The following WDR18 variants were observed in gnomAD, a reference collection of about 807,000 sequenced individuals.
WDR18 encodes WD repeat-containing protein 18.
WDR18 carries 33 observed loss-of-function variants against 49.6 expected under a neutral mutation model. That is an observed-to-expected ratio of 0.67 (90% CI 0.50 to 0.89). WDR18 has a LOEUF of 0.89. Among genes scored for constraint, WDR18 ranks in the 40% least tolerant of loss-of-function variants. The pLI is 0.00. For missense variants in WDR18, 653 were observed against 593.6 expected, an observed-to-expected ratio of 1.10 and a Z score of -1.04; for synonymous variants, 315 against 263.6, an observed-to-expected ratio of 1.19 and a Z score of -1.89.
At chr19:986,991 T>C (rs1215220828) in intron 2 of WDR18, among the ~76,000 whole-genome samples, 2 of 152,088 alleles carry the variant, frequency 1.3e-5, no homozygotes, top group Non-Finnish European at 2.9e-5. Flanking sequence ...CTTCCCTCAG[T>C]GGGCTGCTCA....
chr19:985,467 G>A (rs2038465006), intron 1 of WDR18, among the ~76,000 whole-genome samples: 1 of 152,158 alleles, frequency 6.6e-6, no homozygotes, highest in Admixed American at 6.5e-5. Context: ...ACCACGCCCG[G>A]CTGAGTTTTC....
intron 8 of WDR18, among the ~76,000 whole-genome samples, chr19:993,225 C>T (rs1344174272): frequency 1.3e-5 from 2 of 152,220 alleles, no homozygotes; most frequent in African/African-American, 4.8e-5. Context: ...AGGCCTCCAG[C>T]GGCAGAGCCA....
chr19:993,796 A>G (rs1010175973), intron 8 of WDR18, among the ~76,000 whole-genome samples: 1 of 152,154 alleles, frequency 6.6e-6, no homozygotes, highest in Non-Finnish European at 1.5e-5. Context: ...GCAGTCGTGG[A>G]GGATCTGAGG....
At chr19:988,172 G>T (rs138351421) in intron 2 of WDR18, among the ~76,000 whole-genome samples, 7 of 152,188 alleles carry the variant, frequency 4.6e-5, no homozygotes, top group African/African-American at 1.7e-4. Flanking sequence ...CCATGAAGGG[G>T]TGTCCCACAT....
chr19:988,594 G>A (rs2038500815), intron 2 of WDR18, among the ~76,000 whole-genome samples: 4 of 152,202 alleles, frequency 2.6e-5, no homozygotes, highest in Admixed American at 2.6e-4. Context: ...AACAAAGCAC[G>A]ACGCACAGGG....
At chr19:990,050 CTG>C (rs1014313881) in intron 3 of WDR18, 155 bp downstream of exon 3, 1 of 1,399,530 alleles carries the variant, frequency 7.1e-7, no homozygotes, top group African/African-American at 1.5e-5. Context: ...GCTGCCCACA[CTG>C]GGGTCTGGTT....
chr19:991,912 G>T (rs1599448461), intron 7 of WDR18, 43 bp from the exon 8 acceptor site: 1 of 1,464,798 alleles, frequency 6.8e-7, no homozygotes, highest in East Asian at 2.8e-5. Flanking sequence ...GTGGGGTGGG[G>T]CCTGGCTGGG....
chr19:986,135 G>A (rs921048961), intron 2 of WDR18, among the ~76,000 whole-genome samples, 160 bp downstream of exon 2: 2 of 152,176 alleles, frequency 1.3e-5, no homozygotes, highest in Non-Finnish European at 2.9e-5. Flanking sequence ...CCTTTCTCCA[G>A]GTCCCCTCGA....
At chr19:990,685 C>T in intron 4 of WDR18, 167 bp from the exon 5 acceptor site, 2 of 1,068,376 alleles carry the variant, frequency 1.9e-6, no homozygotes, top group Non-Finnish European at 2.6e-6. Context: ...TCAGCACAGG[C>T]CATGTCCCCT....
rs373813152 is a variant in WDR18 at position 989,908 on chromosome 19, G to A, written c.455+13G>A. ...GGAGCCTCTGCAGGTAGCGCCTTGC[G>A]CACTCAGGCCTGCACCTGGAACTGC... is the stretch of plus-strand genomic sequence containing the variant. On this transcript the variant is annotated intron_variant, in intron 3 of 9. Transcript: ENST00000585809. 122 of 1,595,520 alleles carry A rather than the reference G, an allele frequency of 7.6e-5. No homozygotes were observed. The highest frequency in any genetic ancestry group is 1.7e-4 in the Middle Eastern group (1 of 5,968).
intron 2 of WDR18, among the ~76,000 whole-genome samples, chr19:989,163 CT>C (rs1410391049): frequency 3.0e-4 from 35 of 116,740 alleles, no homozygotes; most frequent in Non-Finnish European, 4.4e-4. Context: ...CCACAACCCC[CT>C]CCAGAGCATC....
chr19:984,262 T>TGGGGCCGC (rs952748535), upstream of WDR18: 5 of 1,301,502 alleles, frequency 3.8e-6, no homozygotes, highest in African/African-American at 3.2e-5. Context: ...GGCCACCCGC[T>TGGGGCCGC]GGGGCCGCGG....
At chr19:993,908 C>A in intron 8 of WDR18, 112 bp from the exon 9 acceptor site, 2 of 1,200,800 alleles carry the variant, frequency 1.7e-6, no homozygotes, top group Non-Finnish European at 2.4e-6. Context: ...GTGGGCGTCA[C>A]GGTGGCCCCT....
At chr19:984,278 C>CCGCTCTGGCCCGCGTGGGGCAGT, upstream of WDR18, 1 of 1,379,966 alleles carries the variant, frequency 7.2e-7, no homozygotes, top group East Asian at 3.0e-5. Context: ...CGCGGGGCCG[C>CCGCTCTGGCCCGCGTGGGGCAGT]CGCTCTGGCC....
intron 8 of WDR18, among the ~76,000 whole-genome samples, chr19:992,333 C>T (rs1445371884): frequency 6.6e-6 from 1 of 152,224 alleles, no homozygotes; most frequent in Non-Finnish European, 1.5e-5. Context: ...AGTTAACCAC[C>T]CCTCTTCCCC....
chr19:984,613 A>C, intron 1 of WDR18, 50 bp downstream of exon 1: 1 of 1,372,502 alleles, frequency 7.3e-7, no homozygotes, highest in Non-Finnish European at 9.4e-7. Context: ...CCGAGGCTGA[A>C]GTCGGGGGAT....
intron 5 of WDR18, 40 bp from the exon 6 acceptor site, chr19:991,041 G>T (rs1372451397): frequency 1.3e-6 from 2 of 1,598,996 alleles, no homozygotes; most frequent in Non-Finnish European, 1.7e-6. Flanking sequence ...GGGGCTGAGG[G>T]CATCGGGCCT....
intron 2 of WDR18, among the ~76,000 whole-genome samples, chr19:989,316 C>T (rs888736186): frequency 3.9e-5 from 6 of 151,986 alleles, no homozygotes; most frequent in East Asian, 3.9e-4. Context: ...GGCTTCCTGC[C>T]GGAGCTTAAG....
At chr19:984,338 C>T, upstream of WDR18, 1 of 1,577,198 alleles carries the variant, frequency 6.3e-7, no homozygotes, top group Non-Finnish European at 8.6e-7. Context: ...ACGTCCGGGG[C>T]GGTGGGGAAG....
Sources: allele counts gnomAD v4.1 joint callset (sites outside exome capture counted in the v4.1 genomes callset), GRCh38; gene constraint gnomAD v4.1.1; transcripts MANE v1.5; gene names NCBI Gene and HGNC (gene_info 2026-07-23, HGNC 2026-07-21).